Variants in FBXW4 observed in about 807,000 individuals in gnomAD.
FBXW4 encodes the protein F-box and WD repeat domain containing 4.
In FBXW4, 40 loss-of-function variants were observed where a neutral mutation model predicts 61.8. The observed-to-expected ratio is 0.65, with a 90% CI of 0.50 to 0.84. FBXW4 has a LOEUF of 0.84. Ranked by LOEUF, FBXW4 falls within the 40% of genes least tolerant of loss-of-function variation. FBXW4 has a pLI of 0.00. For synonymous variants in FBXW4, 311 were observed against 313.8 expected (o/e 0.99, Z 0.10); for missense variants, 672 against 753.8 (o/e 0.89, Z 1.27).
intron 1 of FBXW4, among the ~76,000 whole-genome samples, chr10:101,680,570 T>C (rs2064464674): frequency 6.6e-6 from 1 of 152,160 alleles, no homozygotes; most frequent in Non-Finnish European, 1.5e-5. Flanking sequence ...GTTCACAATA[T>C]AAAACATTGG....
rs188050250 is a variant in FBXW4 at position 101,634,080 on chromosome 10, T to A, written c.1236-9270A>T. 1.4e-3 allele frequency among the ~76,000 whole-genome samples: 206 copies of A among 151,812 alleles called. 2 individuals carry two copies. The East Asian group carries it at 0.033, about 24-fold the overall frequency. On this transcript the variant is annotated intron_variant, in intron 5 of 8. Transcript: ENST00000331272. The stretch of plus-strand genomic sequence containing the variant: ...GTGAGCCAAGATCGCACCACTGCAC[T>A]CCAGCCTGGGTAACAGAGCAAGACT...
rs564524473 is a variant in FBXW4 at position 101,682,162 on chromosome 10, T to C, written c.726-5726A>G. Among the ~76,000 whole-genome samples, 258 of 152,380 alleles carry C rather than the reference T, an allele frequency of 1.7e-3. 2 individuals are homozygous for C. The highest frequency in any genetic ancestry group is 3.4e-3 in the Middle Eastern group (1 of 294). On this transcript the variant is annotated intron_variant, in intron 1 of 8. Transcript: ENST00000331272. ...GTCACTAATGTGACTCTAATAATCA[T>C]TCGTTTTTCTTCTAATTAGTTTAGT...
At chr10:101,644,957 C>T (rs1374748796) in intron 5 of FBXW4, among the ~76,000 whole-genome samples, 1 of 152,134 alleles carries the variant, frequency 6.6e-6, no homozygotes, top group African/African-American at 2.4e-5. Context: ...GCTGTAGGAG[C>T]AGTTTGGCAC....
chr10:101,623,959 T>G (rs1240963205), intron 6 of FBXW4, among the ~76,000 whole-genome samples: 2 of 152,118 alleles, frequency 1.3e-5, no homozygotes, highest in Non-Finnish European at 2.9e-5. Context: ...AGGATGGGTG[T>G]GACTACCAAG....
intron 1 of FBXW4, among the ~76,000 whole-genome samples, chr10:101,678,296 T>C (rs2064437251): frequency 6.6e-6 from 1 of 152,230 alleles, no homozygotes; most frequent in South Asian, 2.1e-4. Context: ...CACTTTAGGT[T>C]CCCATATATC....
chr10:101,665,741 C>A (rs769459293), intron 5 of FBXW4, among the ~76,000 whole-genome samples: 6 of 152,168 alleles, frequency 3.9e-5, no homozygotes, highest in Non-Finnish European at 8.8e-5. Flanking sequence ...CTGTCCTCAA[C>A]CTCTTTTATT....
chr10:101,691,572 TTTG>T (rs1186194714), intron 1 of FBXW4, among the ~76,000 whole-genome samples: 4 of 152,236 alleles, frequency 2.6e-5, no homozygotes, highest in African/African-American at 7.2e-5. Flanking sequence ...TTTCTTTTTT[TTTG>T]TTGTTATTAT....
chr10:101,616,856 T>C (rs1159857644), intron 6 of FBXW4, among the ~76,000 whole-genome samples: 1 of 152,172 alleles, frequency 6.6e-6, no homozygotes, highest in Non-Finnish European at 1.5e-5. Flanking sequence ...GCCCCGATTG[T>C]AGATAAGGAA....
chr10:101,640,540 G>C (rs2064042771), intron 5 of FBXW4, among the ~76,000 whole-genome samples: 1 of 128,066 alleles, frequency 7.8e-6, no homozygotes, highest in Non-Finnish European at 1.6e-5. Flanking sequence ...TGCCCAGGCT[G>C]GAGTGCAGTG....
At chr10:101,684,917 C>T (rs1293717067) in intron 1 of FBXW4, among the ~76,000 whole-genome samples, 1 of 152,208 alleles carries the variant, frequency 6.6e-6, no homozygotes, top group Admixed American at 6.5e-5. Flanking sequence ...AGCATGAGGA[C>T]AAGACCATGC....
chr10:101,657,639 C>CAA (rs35721394), intron 5 of FBXW4, among the ~76,000 whole-genome samples: 2,981 of 55,486 alleles, frequency 0.054, 432 homozygotes, highest in Non-Finnish European at 0.069. Context: ...GACTCTGTCT[C>CAA]AAAAAAAAAA....
intron 1 of FBXW4, 196 bp from the exon 2 acceptor site, chr10:101,676,632 C>A: frequency 5.5e-6 from 1 of 183,250 alleles, no homozygotes; most frequent in African/African-American, 2.9e-5. Flanking sequence ...TTTAAACTAT[C>A]AAAAATGTTC....
At chr10:101,641,134 C>A (rs2064049480) in intron 5 of FBXW4, among the ~76,000 whole-genome samples, 1 of 151,982 alleles carries the variant, frequency 6.6e-6, no homozygotes, top group Admixed American at 6.6e-5. Context: ...CCCAGCCAAC[C>A]CTTCCATTTT....
At chr10:101,681,400 AT>A (rs145158495) in intron 1 of FBXW4, among the ~76,000 whole-genome samples, 11,106 of 136,300 alleles carry the variant, frequency 0.081, 453 homozygotes, top group African/African-American at 0.12. Context: ...AAAAAAAAAA[AT>A]AATAATAATA....
chr10:101,670,064 C>A (rs1285309196), intron 4 of FBXW4, among the ~76,000 whole-genome samples: 1 of 152,040 alleles, frequency 6.6e-6, no homozygotes. Context: ...CGGGAGTGGA[C>A]ATTTATACAG....
In FBXW4 at chr10:101,611,563, C is replaced by A; in HGVS notation, c.1584+65G>T. The A allele has an allele frequency of 6.3e-7, 1 of 1,592,700 alleles. No homozygotes were observed. Among genetic ancestry groups the A allele is most frequent in the Non-Finnish European group, 8.6e-7 (1 of 1,165,470 alleles). On this transcript the variant is annotated intron_variant, in intron 8 of 8. Coordinates refer to ENST00000331272, the MANE Select transcript of FBXW4 (RefSeq NM_022039.4). This position sits in a 1 kb window ranked among gnomAD's most constrained non-coding sequence, Gnocchi z 4.9. ...GGCACGTCCTTGGCTACCTCACCCT[C>A]TCCCAAATGCAGCCCATAATCATGA... is the stretch of plus-strand genomic sequence containing the variant.
intron 5 of FBXW4, chr10:101,626,503 T>A (rs575322120): frequency 2.0e-4 from 30 of 152,820 alleles, no homozygotes; most frequent in African/African-American, 7.0e-4. Flanking sequence ...GCATCTCTTT[T>A]TTTTTTGAGA....
chr10:101,683,554 G>A (rs1040150627), intron 1 of FBXW4, among the ~76,000 whole-genome samples: 3 of 152,146 alleles, frequency 2.0e-5, no homozygotes, highest in African/African-American at 7.2e-5. Flanking sequence ...AATCTAGGCA[G>A]TTATCTAGAA....
chr10:101,688,010 T>G (rs1362500358), intron 1 of FBXW4, among the ~76,000 whole-genome samples: 1 of 152,100 alleles, frequency 6.6e-6, no homozygotes. Context: ...ACAGCCAGGG[T>G]TGAGTGAAGA....
Sources: gnomAD v4.1 joint callset for allele counts (sites outside exome capture counted in the v4.1 genomes callset) on GRCh38, gnomAD v4.1.1 for gene constraint, Gnocchi (gnomAD v3.1) non-coding constraint, MANE v1.5 for transcripts, NCBI Gene and HGNC (gene_info 2026-07-23, HGNC 2026-07-21) for gene names.